TMEM178B: variants seen among roughly 807,000 people sequenced by gnomAD.
TMEM178B encodes transmembrane protein 178B.
TMEM178B carries 5 observed loss-of-function variants against 31.0 expected under a neutral mutation model. That is an observed-to-expected ratio of 0.16 (90% CI 0.08 to 0.34). The LOEUF is 0.34. TMEM178B is among the 10% of genes least tolerant of loss of function. The pLI is 1.00. For synonymous variants in TMEM178B, 164 were observed against 164.0 expected, an observed-to-expected ratio of 1.00 and a Z score of 0.00; for missense variants, 275 against 400.3, an observed-to-expected ratio of 0.69 and a Z score of 2.67.
intron 3 of TMEM178B, among the ~76,000 whole-genome samples, chr7:141,439,840 T>C (rs1167401994): frequency 1.3e-5 from 2 of 152,194 alleles, no homozygotes; most frequent in East Asian, 3.9e-4. Context: ...CTCCCCTCTC[T>C]TCATGCCAGG....
chr7:141,250,144 T>A (rs943257380), intron 2 of TMEM178B, among the ~76,000 whole-genome samples: 1 of 152,154 alleles, frequency 6.6e-6, no homozygotes, highest in African/African-American at 2.4e-5. Flanking sequence ...CTACCTCCAA[T>A]CCTCTCAAAT....
At chr7:141,413,865 C>G (rs1348738189) in intron 2 of TMEM178B, among the ~76,000 whole-genome samples, 2 of 152,000 alleles carry the variant, frequency 1.3e-5, no homozygotes, top group African/African-American at 4.8e-5. Context: ...ATTTAGAAAC[C>G]ACAGAAAACG....
intron 1 of TMEM178B, among the ~76,000 whole-genome samples, chr7:141,137,117 T>G (rs1397980454): frequency 1.3e-5 from 2 of 152,122 alleles, no homozygotes; most frequent in East Asian, 3.9e-4. Context: ...TTGGTGAGAA[T>G]GTAAATTAAT....
Position 141,148,414 on chromosome 7 carries a change from A to G in TMEM178B, c.383-64177A>G, listed in dbSNP as rs115765628. Reference sequence around the variant, plus strand: ...CCTAAAACAGAACCCCAAGGTTTACAGACATTAAAGGCACAGACAGAGGAA... The same window carrying G: ...CCTAAAACAGAACCCCAAGGTTTACGGACATTAAAGGCACAGACAGAGGAA... On this transcript the variant is annotated intron_variant, in intron 1 of 3. Transcript: ENST00000565468. Among the ~76,000 whole-genome samples, 1,373 of 152,344 alleles carry G rather than the reference A, an allele frequency of 9.0e-3. 25 individuals carry two copies. The highest frequency in any genetic ancestry group is 0.029 in the African/African-American group (1,216 of 41,578).
At chr7:141,183,948 G>A (rs1383867237) in intron 1 of TMEM178B, among the ~76,000 whole-genome samples, 2 of 152,180 alleles carry the variant, frequency 1.3e-5, no homozygotes, top group Non-Finnish European at 2.9e-5. Context: ...GTTCAGACAC[G>A]ATGGAACTGG....
At chr7:141,154,010 ATATT>A (rs1417027114) in intron 1 of TMEM178B, among the ~76,000 whole-genome samples, 1 of 152,198 alleles carries the variant, frequency 6.6e-6, no homozygotes, top group Non-Finnish European at 1.5e-5. Context: ...GTCTTGATGA[ATATT>A]TATTCAGTGC....
chr7:141,302,726 A>G (rs1383450508), intron 2 of TMEM178B, among the ~76,000 whole-genome samples: 1 of 152,154 alleles, frequency 6.6e-6, no homozygotes, highest in African/African-American at 2.4e-5. Flanking sequence ...AAACTTATCT[A>G]CTACTGTCCC....
At chr7:141,170,274 T>C (rs893024969) in intron 1 of TMEM178B, among the ~76,000 whole-genome samples, 1 of 152,222 alleles carries the variant, frequency 6.6e-6, no homozygotes, top group African/African-American at 2.4e-5. Context: ...GTTAATTTTC[T>C]TGATCTGAAT....
intron 2 of TMEM178B, among the ~76,000 whole-genome samples, chr7:141,355,056 A>C (rs1013210750): frequency 1.3e-5 from 2 of 152,180 alleles, no homozygotes; most frequent in African/African-American, 2.4e-5. Context: ...AACCAGACCA[A>C]AGTAAACAGC....
At chr7:141,354,370 T>G (rs894545374) in intron 2 of TMEM178B, among the ~76,000 whole-genome samples, 12 of 152,358 alleles carry the variant, frequency 7.9e-5, no homozygotes, top group African/African-American at 2.2e-4. Context: ...TTTCTAGTGC[T>G]GAGGCAGTTA....
intron 1 of TMEM178B, among the ~76,000 whole-genome samples, chr7:141,196,539 T>A (rs575473937): frequency 7.9e-5 from 12 of 152,232 alleles, no homozygotes; most frequent in Admixed American, 2.6e-4. Context: ...GCAGCGTTTC[T>A]GAAAGTTAAA....
chr7:141,095,383 C>G (rs371218201), intron 1 of TMEM178B, among the ~76,000 whole-genome samples: 2 of 152,146 alleles, frequency 1.3e-5, no homozygotes, highest in South Asian at 4.1e-4. Flanking sequence ...TGATGTGTGT[C>G]TGGTAATATG....
intron 2 of TMEM178B, among the ~76,000 whole-genome samples, chr7:141,237,559 G>A (rs528556537): frequency 2.0e-5 from 3 of 152,208 alleles, no homozygotes; most frequent in African/African-American, 2.4e-5. Flanking sequence ...ACATAGAAAA[G>A]GGCTGCAAGG....
intron 2 of TMEM178B, among the ~76,000 whole-genome samples, chr7:141,232,461 G>A (rs1797463324): frequency 6.6e-6 from 1 of 151,916 alleles, no homozygotes; most frequent in South Asian, 2.1e-4. Context: ...CTGCAACCTT[G>A]CCAGCATCTG....
intron 1 of TMEM178B, among the ~76,000 whole-genome samples, chr7:141,183,391 C>T (rs1796560992): frequency 6.6e-6 from 1 of 152,176 alleles, no homozygotes; most frequent in South Asian, 2.1e-4. Flanking sequence ...AATTAGTGCC[C>T]TCTTAAGTCA....
intron 1 of TMEM178B, among the ~76,000 whole-genome samples, chr7:141,187,250 GTCCCTAC>G (rs1332188252): frequency 2.6e-5 from 4 of 151,414 alleles, no homozygotes; most frequent in Admixed American, 6.6e-5. Flanking sequence ...TTTCATCCAT[GTCCCTAC>G]AAAGGACATG....
At chr7:141,493,066 G>T in the TMEM178B span, among the ~76,000 whole-genome samples, 1 of 152,150 alleles carries the variant, frequency 6.6e-6, no homozygotes. Flanking sequence ...AGGTAATTGT[G>T]AATCTCCATC....
intron 2 of TMEM178B, among the ~76,000 whole-genome samples, chr7:141,317,516 A>G (rs1018984764): frequency 6.6e-6 from 1 of 152,192 alleles, no homozygotes; most frequent in Non-Finnish European, 1.5e-5. Flanking sequence ...CACTAGCGCT[A>G]GACCTGGAGA....
intron 3 of TMEM178B, among the ~76,000 whole-genome samples, chr7:141,456,238 G>A (rs1801960462): frequency 6.6e-6 from 1 of 152,128 alleles, no homozygotes; most frequent in Non-Finnish European, 1.5e-5. Flanking sequence ...CCAATATCTA[G>A]AGTCATAGGA....
Sources: allele counts gnomAD v4.1 joint callset (sites outside exome capture counted in the v4.1 genomes callset), GRCh38; gene constraint gnomAD v4.1.1; transcripts MANE v1.5; gene names NCBI Gene and HGNC (gene_info 2026-07-23, HGNC 2026-07-21).